DENND4A: variants seen among roughly 807,000 people sequenced by gnomAD.
The protein encoded by DENND4A is C-myc promoter-binding protein.
A neutral mutation model predicts 199.3 loss-of-function variants in DENND4A; 70 were observed. The observed-to-expected ratio is 0.35, with a 90% CI of 0.29 to 0.43. The LOEUF (loss-of-function observed/expected upper bound fraction) is 0.43. Ranked by LOEUF, DENND4A falls within the 20% of genes least tolerant of loss-of-function variation. The pLI, the probability that DENND4A is intolerant of heterozygous loss-of-function variation, is 1.00. For missense variants in DENND4A, 1,723 were observed against 2,255.8 expected, an observed-to-expected ratio of 0.76 and a Z score of 4.78; for synonymous variants, 686 against 766.9, an observed-to-expected ratio of 0.89 and a Z score of 1.74.
At chr15:65,672,353 G>A (rs948238361) in intron 24 of DENND4A, among the ~76,000 whole-genome samples, 1 of 152,152 alleles carries the variant, frequency 6.6e-6, no homozygotes. Context: ...AGCTGGGCAT[G>A]GTGGCTCATG....
At position 65,723,773 on chromosome 15, in the gene DENND4A, T is replaced by G. The variant is rs543184010; in HGVS notation, c.1488-825A>C. Among the ~76,000 whole-genome samples, 12 of 152,240 alleles carry G rather than the reference T, an allele frequency of 7.9e-5. No homozygotes were observed. In the East Asian group the frequency reaches 2.3e-3, roughly 29 times the overall value. ...TTATAACAATATACTTTAATAAACG[T>G]TATGTGAACGTGGGCTCTCTCTCTC... On this transcript the variant is annotated intron_variant, in intron 11 of 32. Transcript: ENST00000443035.
intron 12 of DENND4A, among the ~76,000 whole-genome samples, chr15:65,718,213 T>A (rs2075471205): frequency 6.6e-6 from 1 of 152,080 alleles, no homozygotes. Context: ...TACCCGTTTA[T>A]CTCACTACCA....
intron 23 of DENND4A, among the ~76,000 whole-genome samples, chr15:65,685,062 G>A (rs937017636): frequency 6.6e-5 from 10 of 151,750 alleles, no homozygotes; most frequent in African/African-American, 2.4e-4. Flanking sequence ...CCTGACCTCA[G>A]GGGATCTGCC....
intron 15 of DENND4A, among the ~76,000 whole-genome samples, chr15:65,705,235 C>T (rs759125757): frequency 3.4e-4 from 52 of 152,094 alleles, no homozygotes; most frequent in Non-Finnish European, 6.3e-4. Flanking sequence ...GAATTTAATC[C>T]AAGTCATAAA....
intron 23 of DENND4A, among the ~76,000 whole-genome samples, chr15:65,685,576 T>C (rs1276992972): frequency 3.3e-5 from 5 of 152,234 alleles, no homozygotes; most frequent in African/African-American, 9.6e-5. Context: ...CATCCTCCTG[T>C]ACAAGTTAAA....
chr15:65,729,429 A>G, intron 10 of DENND4A, 105 bp downstream of exon 10: 1 of 1,468,520 alleles, frequency 6.8e-7, no homozygotes, highest in Non-Finnish European at 9.2e-7. Context: ...ACACAAATTC[A>G]TTACTCTCTG....
rs1210619889 is a variant in DENND4A, at chr15:65,729,523, G to T, written c.1311+11C>A. The T allele has an allele frequency of 1.9e-6, 3 of 1,601,378 alleles. No individual in the cohort carries two copies. Among genetic ancestry groups the T allele is most frequent in the Non-Finnish European group, 8.5e-7 (1 of 1,175,030 alleles). ...CTAAATTGACTGCCAATAAGAAACTGTGATACTCACAGACACTAATGCTTC... is the reference window on the plus strand; with the variant it reads ...CTAAATTGACTGCCAATAAGAAACTTTGATACTCACAGACACTAATGCTTC... On this transcript the variant is annotated intron_variant, in intron 10 of 32. Coordinates refer to ENST00000443035, the MANE Select transcript of DENND4A (RefSeq NM_001320835.1).
chr15:65,786,729 T>G (rs1166894729), intron 1 of DENND4A, among the ~76,000 whole-genome samples: 1 of 152,166 alleles, frequency 6.6e-6, no homozygotes, highest in African/African-American at 2.4e-5. Context: ...CAAAATTAAG[T>G]AGCAGAGTCA....
intron 1 of DENND4A, among the ~76,000 whole-genome samples, chr15:65,776,241 CTAAA>C (rs1298984352): frequency 6.6e-6 from 1 of 152,040 alleles, no homozygotes; most frequent in Non-Finnish European, 1.5e-5. Context: ...TAAATGTTTG[CTAAA>C]TAAAGAATGA....
At position 65,771,714 on chromosome 15, in the gene DENND4A, CT is replaced by C. The variant is rs111782394; in HGVS notation, c.-101-10277del. On this transcript the variant is annotated intron_variant, in intron 1 of 32. Transcript: ENST00000443035. ...CCCCCAAAAAATATATTAAACAAGT[CT>C]TCTGGAGTTATATCAACTTCACAAA... is the stretch of plus-strand genomic sequence containing the variant. 4,261 of 1,610,394 alleles carry C rather than the reference CT, an allele frequency of 2.6e-3. 99 individuals carry two copies. In the African/African-American group the frequency reaches 0.05, roughly 19 times the overall value.
In DENND4A at chr15:65,702,461, C is replaced by G; in HGVS notation, c.2274G>C (p.Gln758His). The G allele has an allele frequency of 6.3e-7, 1 of 1,598,454 alleles. No individual in the cohort carries two copies. The highest frequency in any genetic ancestry group is 8.5e-7 in the Non-Finnish European group (1 of 1,172,346). Residue 758 changes from glutamine to histidine, a missense_variant, in exon 17 of 33, where the codon CAG becomes CAC. Coordinates refer to ENST00000443035, the MANE Select transcript of DENND4A (RefSeq NM_001320835.1). ...KIAKRYSSIP[Q>H]MWSRCLLRHC... Reference sequence around the variant, plus strand: ...GGCGCAGTAGACACCTAGACCACATCTGAGGGATGGAAGAGTACCTCTTTG... The same window carrying G: ...GGCGCAGTAGACACCTAGACCACATGTGAGGGATGGAAGAGTACCTCTTTG...
chr15:65,788,092 T>G (rs980731165), intron 1 of DENND4A, among the ~76,000 whole-genome samples: 2 of 151,994 alleles, frequency 1.3e-5, no homozygotes, highest in Admixed American at 6.5e-5. Context: ...TTTTTTTTTT[T>G]TTGAGACAGA....
At chr15:65,668,613 G>A (rs2076120974) in intron 27 of DENND4A, among the ~76,000 whole-genome samples, 1 of 152,106 alleles carries the variant, frequency 6.6e-6, no homozygotes, top group South Asian at 2.1e-4. Context: ...CTGAGGTCAG[G>A]AGTTCGAGAG....
At chr15:65,756,095 T>A (rs767522865) in intron 3 of DENND4A, 45 bp downstream of exon 3, 3 of 1,466,274 alleles carry the variant, frequency 2.0e-6, no homozygotes, top group Non-Finnish European at 2.8e-6. Context: ...CTACAAGGCA[T>A]ATTATTTGGA....
rs199835803 is a variant in DENND4A, at chr15:65,700,384, CAT to C, written c.2833+158_2833+159del. 7.4e-3 allele frequency among the ~76,000 whole-genome samples: 1,128 copies of C among 151,980 alleles called. 15 individuals carry two copies. Among genetic ancestry groups the C allele is most frequent in the African/African-American group, 0.026 (1,063 of 41,492 alleles). ...TTCAAATAAAGAATGAATAAAATTT[CAT>C]ATAGTTATTAAATCTAATATCAAAT... On this transcript the variant is annotated intron_variant, in intron 20 of 32. Coordinates refer to ENST00000443035, the MANE Select transcript of DENND4A (RefSeq NM_001320835.1).
chr15:65,777,993 A>G (rs2077327295), intron 1 of DENND4A, among the ~76,000 whole-genome samples: 1 of 152,192 alleles, frequency 6.6e-6, no homozygotes, highest in African/African-American at 2.4e-5. Context: ...AGATCAGGCC[A>G]ATGCACTCCA....
At chr15:65,784,704 G>A (rs2077522361) in intron 1 of DENND4A, among the ~76,000 whole-genome samples, 1 of 152,124 alleles carries the variant, frequency 6.6e-6, no homozygotes, top group African/African-American at 2.4e-5. Context: ...AATACTGTAT[G>A]TGTAAGTGCC....
At position 65,669,887 on chromosome 15, in the gene DENND4A, T is replaced by G. The variant is rs2076165164; in HGVS notation, c.4679A>C (p.His1560Pro). The change falls in exon 27 of 33, where the codon CAC (histidine) becomes CCC (proline). Residue 1560 changes from histidine (H) to proline (P), a missense_variant. By Grantham distance (77) the His-to-Pro change is moderately conservative. Around this residue, in one of 6 missense-constraint regions of DENND4A, gnomAD observed 141 missense variants for 170.7 expected, o/e 0.83. Coordinates refer to ENST00000443035, the MANE Select transcript of DENND4A (RefSeq NM_001320835.1). ...CTGACTTGAAATGGAGGATGGAAAGTGCATATTTTCTGTTGATGGGCTTGA... is the reference window on the plus strand; with the variant it reads ...CTGACTTGAAATGGAGGATGGAAAGGGCATATTTTCTGTTGATGGGCTTGA... ...LKSSPSTENM[H>P]FPSSISSQTR... 1.9e-6 allele frequency: 3 copies of G among 1,613,860 alleles called. No homozygotes were observed. The highest frequency in any genetic ancestry group is 2.5e-6 in the Non-Finnish European group (3 of 1,179,836).
chr15:65,744,292 G>A lies in DENND4A; in HGVS notation c.562-2508C>T, dbSNP rs534322652. Among the ~76,000 whole-genome samples the A allele has an allele frequency of 3.9e-4, 59 of 152,256 alleles. 2 individuals carry two copies. Among genetic ancestry groups the A allele is most frequent in the Admixed American group, 2.2e-3 (34 of 15,302 alleles). Reference sequence around the variant, plus strand: ...AAGACTGTGGATAAAGCAGGTTTGGGGTGAAGATAAGGGGTTCAGTTTTAG... The same window carrying A: ...AAGACTGTGGATAAAGCAGGTTTGGAGTGAAGATAAGGGGTTCAGTTTTAG... On this transcript the variant is annotated intron_variant, in intron 4 of 32. Coordinates refer to ENST00000443035, the MANE Select transcript of DENND4A (RefSeq NM_001320835.1).
Sources: gnomAD v4.1 joint callset for allele counts (sites outside exome capture counted in the v4.1 genomes callset) on GRCh38, gnomAD v4.1.1 for gene constraint, gnomAD v4.1.1 regional missense constraint, MANE v1.5 for transcripts, NCBI Gene and HGNC (gene_info 2026-07-23, HGNC 2026-07-21) for gene names.